ANO10: variants seen among roughly 807,000 people sequenced by gnomAD.
ANO10 encodes anoctamin-10.
A neutral mutation model predicts 74.7 loss-of-function variants in ANO10; 77 were observed. The observed-to-expected ratio is 1.03, with a 90% CI of 0.86 to 1.25. The LOEUF (loss-of-function observed/expected upper bound fraction) is 1.25, where lower values mean the gene tolerates loss of function less well. Among genes scored for constraint, ANO10 ranks in the 50% most tolerant of loss-of-function variants. The pLI, the probability that ANO10 is intolerant of heterozygous loss-of-function variation, is 0.00. For synonymous variants in ANO10, 279 were observed against 284.9 expected (o/e 0.98, Z 0.21); for missense variants, 721 against 778.1 (o/e 0.93, Z 0.87).
chr3:43,453,851 A>G (rs1289153209), intron 11 of ANO10, among the ~76,000 whole-genome samples: 2 of 152,030 alleles, frequency 1.3e-5, no homozygotes, highest in African/African-American at 4.8e-5. Context: ...ATCCTTCTTA[A>G]GGTGTCTGCT....
intron 4 of ANO10, among the ~76,000 whole-genome samples, chr3:43,585,569 A>G (rs2081442523): frequency 6.6e-6 from 1 of 152,170 alleles, no homozygotes; most frequent in Non-Finnish European, 1.5e-5. Flanking sequence ...CCATCTGATC[A>G]AAGAGCACAC....
chr3:43,539,526 G>GT (rs2078862130), intron 11 of ANO10, among the ~76,000 whole-genome samples: 1 of 152,196 alleles, frequency 6.6e-6, no homozygotes, highest in African/African-American at 2.4e-5. Context: ...TAGCAGGTCT[G>GT]TTGTTGAGAG....
chr3:43,531,739 A>G (rs1575357124), intron 11 of ANO10, among the ~76,000 whole-genome samples: 1 of 151,988 alleles, frequency 6.6e-6, no homozygotes, highest in East Asian at 1.9e-4. Context: ...ACTAAAATAT[A>G]CAAAAATTAG....
intron 7 of ANO10, among the ~76,000 whole-genome samples, chr3:43,573,674 T>C (rs1467568491): frequency 6.6e-6 from 1 of 152,144 alleles, no homozygotes; most frequent in Non-Finnish European, 1.5e-5. Context: ...TTATTATTTA[T>C]AATAATGGTA....
chr3:43,502,401 T>G (rs1449482182), intron 11 of ANO10, among the ~76,000 whole-genome samples: 1 of 152,134 alleles, frequency 6.6e-6, no homozygotes, highest in Non-Finnish European at 1.5e-5. Flanking sequence ...GCTCTATTAG[T>G]TCCTGCCAGA....
chr3:43,578,749 C>CAAAAAAAAAAAAAAAAAAA lies in ANO10; in HGVS notation c.593-1507_593-1489dup, dbSNP rs56186109. ...TGGGCCACAGAGCAAGACTCCATCTCAAAAAAAAAAAAAAAAAAAAAAAAA... is the reference window on the plus strand; with the variant it reads ...TGGGCCACAGAGCAAGACTCCATCTCAAAAAAAAAAAAAAAAAAAAAAAAAAAAAAAAAAAAAAAAAAAA... On this transcript the variant is annotated intron_variant, in intron 5 of 12. Transcript: ENST00000292246. Among the ~76,000 whole-genome samples the CAAAAAAAAAAAAAAAAAAA allele has an allele frequency of 3.1e-5, 2 of 64,442 alleles. 1 individual carries two copies. Among genetic ancestry groups the CAAAAAAAAAAAAAAAAAAA allele is most frequent in the Non-Finnish European group, 6.0e-5 (2 of 33,500 alleles). 42.3% of individuals were successfully genotyped at this position (64,442 alleles called of 152,430 possible). A position where few individuals can be genotyped will look rare whatever the true frequency, so the allele number is the denominator to read the frequency against.
At chr3:43,659,385 C>T (rs2083893928) in intron 1 of ANO10, among the ~76,000 whole-genome samples, 1 of 152,152 alleles carries the variant, frequency 6.6e-6, no homozygotes, top group Non-Finnish European at 1.5e-5. Context: ...TCTCTGCAAC[C>T]AGCAGACCAG....
At chr3:43,447,101 G>A (rs906113450) in intron 11 of ANO10, among the ~76,000 whole-genome samples, 22 of 151,974 alleles carry the variant, frequency 1.4e-4, no homozygotes, top group African/African-American at 4.4e-4. Context: ...ATACTTTATC[G>A]ACCAGTGATG....
intron 4 of ANO10, among the ~76,000 whole-genome samples, chr3:43,590,493 AG>A (rs2081682360): frequency 6.6e-6 from 1 of 152,136 alleles, no homozygotes; most frequent in Non-Finnish European, 1.5e-5. Context: ...TAAGGAAATC[AG>A]GAAGACCAGA....
chr3:43,570,750 T>A (rs1463760655), intron 7 of ANO10, among the ~76,000 whole-genome samples: 101 of 143,344 alleles, frequency 7.0e-4, no homozygotes, highest in African/African-American at 2.5e-3. Context: ...AACCTAGGCA[T>A]TACCATTCAG....
In ANO10 at chr3:43,552,724, A is replaced by ATG. The variant is rs1559688131; in HGVS notation, c.1668+2553_1668+2554insCA. Among the ~76,000 whole-genome samples the ATG allele has an allele frequency of 8.3e-3, 850 of 102,782 alleles. 11 individuals are homozygous for ATG. Among genetic ancestry groups the ATG allele is most frequent in the African/African-American group, 0.026 (705 of 27,180 alleles). The allele number at this position is 102,782 out of a possible 152,430, so 67.4% of individuals were successfully genotyped here. A position where few individuals can be genotyped will look rare whatever the true frequency, so the allele number is the denominator to read the frequency against. On this transcript the variant is annotated intron_variant, in intron 10 of 12. Coordinates refer to ENST00000292246, the MANE Select transcript of ANO10 (RefSeq NM_018075.5). ...TATATATATATATATATATATATAT[A>ATG]TATATGTATGTATGTATGTATGTAT...
chr3:43,575,209 G>T (rs925899754), intron 6 of ANO10, among the ~76,000 whole-genome samples: 1 of 152,004 alleles, frequency 6.6e-6, no homozygotes, highest in Admixed American at 6.5e-5. Context: ...AGAGAAGAGG[G>T]CAATAAATAA....
chr3:43,440,898 A>T (rs74350316), intron 11 of ANO10, among the ~76,000 whole-genome samples: 7 of 152,058 alleles, frequency 4.6e-5, no homozygotes, highest in Non-Finnish European at 7.4e-5. Flanking sequence ...AAGCAAAAGG[A>T]AAGTGGAAAA....
At chr3:43,485,007 G>A (rs907657493) in intron 11 of ANO10, 13 of 1,464,048 alleles carry the variant, frequency 8.9e-6, no homozygotes, top group Admixed American at 5.7e-5. Context: ...GTGGTGAGGC[G>A]TGGCTTGTGC....
chr3:43,593,512 C>T (rs1391709456), intron 4 of ANO10, among the ~76,000 whole-genome samples: 5 of 152,162 alleles, frequency 3.3e-5, no homozygotes, highest in Admixed American at 6.5e-5. Context: ...ACAAACTAAG[C>T]TTCATAAGTG....
At chr3:43,586,615 GA>G (rs1286158261) in intron 4 of ANO10, among the ~76,000 whole-genome samples, 1 of 151,892 alleles carries the variant, frequency 6.6e-6, no homozygotes, top group Non-Finnish European at 1.5e-5. Flanking sequence ...GGAAAAAAGG[GA>G]AAAACCAAAA....
At chr3:43,448,478 AG>A (rs1392564117) in intron 11 of ANO10, among the ~76,000 whole-genome samples, 3 of 152,240 alleles carry the variant, frequency 2.0e-5, no homozygotes, top group Non-Finnish European at 4.4e-5. Flanking sequence ...TCTTCCACTT[AG>A]GAACAGGCAT....
intron 12 of ANO10, among the ~76,000 whole-genome samples, chr3:43,406,973 G>T: frequency 6.6e-6 from 1 of 150,752 alleles, no homozygotes; most frequent in Non-Finnish European, 1.5e-5. Flanking sequence ...GCATGATCTT[G>T]GCTCACTGCA....
intron 1 of ANO10, among the ~76,000 whole-genome samples, chr3:43,676,441 G>A (rs2084122513): frequency 6.6e-6 from 1 of 152,118 alleles, no homozygotes; most frequent in South Asian, 2.1e-4. Flanking sequence ...CTGGGAGACA[G>A]AGTGAGACCC....
Sources: gnomAD v4.1 joint callset for allele counts (sites outside exome capture counted in the v4.1 genomes callset) on GRCh38, gnomAD v4.1.1 for gene constraint, MANE v1.5 for transcripts, NCBI Gene and HGNC (gene_info 2026-07-23, HGNC 2026-07-21) for gene names.